Variants in PLEKHA5 observed in about 807,000 individuals in gnomAD.
The protein encoded by PLEKHA5 is pleckstrin homology domain containing A5, also known as pleckstrin homology domain-containing family A member 5.
In PLEKHA5, 55 loss-of-function variants were observed where a neutral mutation model predicts 181.9. That is an observed-to-expected ratio of 0.30 (90% CI 0.24 to 0.38). PLEKHA5 has a LOEUF of 0.38. Ranked by LOEUF, PLEKHA5 falls within the 10% of genes least tolerant of loss-of-function variation. The pLI is 1.00. For synonymous variants in PLEKHA5, 535 were observed against 529.4 expected, an observed-to-expected ratio of 1.01 and a Z score of -0.15; for missense variants, 1,432 against 1,549.5, an observed-to-expected ratio of 0.92 and a Z score of 1.27.
chr12:19,304,654 A>G (rs1362894348), intron 15 of PLEKHA5, among the ~76,000 whole-genome samples: 1 of 152,170 alleles, frequency 6.6e-6, no homozygotes, highest in African/African-American at 2.4e-5. Flanking sequence ...ACAAAGTACA[A>G]TACTCAAGGC....
intron 3 of PLEKHA5, among the ~76,000 whole-genome samples, chr12:19,197,895 T>C (rs917199520): frequency 6.6e-6 from 1 of 152,072 alleles, no homozygotes; most frequent in African/African-American, 2.4e-5. Context: ...GCAGCCATTC[T>C]CAATTTTTCT....
intron 26 of PLEKHA5, among the ~76,000 whole-genome samples, chr12:19,356,155 A>G (rs1371221222): frequency 6.6e-6 from 1 of 151,254 alleles, no homozygotes; most frequent in Non-Finnish European, 1.5e-5. Flanking sequence ...ACAGAGTGAG[A>G]CTCTGTCTCA....
intron 3 of PLEKHA5, chr12:19,200,445 C>T: frequency 6.8e-7 from 1 of 1,476,130 alleles, no homozygotes; most frequent in Non-Finnish European, 8.9e-7. Flanking sequence ...GACAAAACAG[C>T]ATATTCTAAA....
At chr12:19,267,650 A>G (rs1349484398) in intron 8 of PLEKHA5, among the ~76,000 whole-genome samples, 3 of 134,848 alleles carry the variant, frequency 2.2e-5, no homozygotes, top group Non-Finnish European at 4.6e-5. Flanking sequence ...ACAGAGTAAG[A>G]CTCCCTCCCT....
intron 3 of PLEKHA5, among the ~76,000 whole-genome samples, chr12:19,162,611 G>T (rs967328070): frequency 6.6e-6 from 1 of 150,528 alleles, no homozygotes; most frequent in Non-Finnish European, 1.5e-5. Flanking sequence ...AGAGCCTGTT[G>T]TCTGCTACAG....
At chr12:19,323,876 A>G (rs2091505129) in intron 20 of PLEKHA5, among the ~76,000 whole-genome samples, 1 of 152,090 alleles carries the variant, frequency 6.6e-6, no homozygotes, top group Non-Finnish European at 1.5e-5. Flanking sequence ...ATAGTCATAT[A>G]ACTATGACTG....
At chr12:19,263,168 C>CTA (rs1207276339) in intron 7 of PLEKHA5, among the ~76,000 whole-genome samples, 2 of 147,614 alleles carry the variant, frequency 1.4e-5, no homozygotes, top group Non-Finnish European at 3.0e-5. Flanking sequence ...TCATAATAGC[C>CTA]TATATATTTT....
intron 3 of PLEKHA5, among the ~76,000 whole-genome samples, chr12:19,134,095 T>C (rs1211661659): frequency 6.6e-6 from 1 of 152,076 alleles, no homozygotes; most frequent in Non-Finnish European, 1.5e-5. Flanking sequence ...TGGATGAATG[T>C]TTATTTGATA....
intron 3 of PLEKHA5, among the ~76,000 whole-genome samples, chr12:19,251,094 A>G (rs2065149920): frequency 6.6e-6 from 1 of 152,064 alleles, no homozygotes; most frequent in Admixed American, 6.5e-5. Flanking sequence ...GCTGGGAGGA[A>G]GGTTATCTGA....
Position 19,169,410 on chromosome 12 carries a change from G to A in PLEKHA5, c.227+36960G>A, listed in dbSNP as rs565905762. On this transcript the variant is annotated intron_variant, in intron 3 of 31. Transcript: ENST00000429027. Reference sequence around the variant, plus strand: ...CTGGCAGAGCCTCCAGCATCTTCTGGTCTTCACTTATAGGGCAGTGCTAAG... The same window carrying A: ...CTGGCAGAGCCTCCAGCATCTTCTGATCTTCACTTATAGGGCAGTGCTAAG... Among the ~76,000 whole-genome samples, 44 of 152,252 alleles carry A rather than the reference G, an allele frequency of 2.9e-4. No individual in the cohort carries two copies. The South Asian group carries it at 8.9e-3, about 31-fold the overall frequency.
rs374091121 is a variant in PLEKHA5 at position 19,302,312 on chromosome 12, T to C, written c.2037+10615T>C. On this transcript the variant is annotated intron_variant, in intron 15 of 31. Transcript: ENST00000429027. ...CCCACACTGTTCAAGAAAAAGGAAC[T>C]ATTGGCACAGAATTCAGACTCAAGT... Among the ~76,000 whole-genome samples, 32 of 152,218 alleles carry C rather than the reference T, an allele frequency of 2.1e-4. 1 individual carries two copies. The highest frequency in any genetic ancestry group is 1.3e-3 in the East Asian group (7 of 5,196).
At chr12:19,284,926 C>T (rs1012440851) in intron 12 of PLEKHA5, among the ~76,000 whole-genome samples, 5 of 152,148 alleles carry the variant, frequency 3.3e-5, no homozygotes, top group African/African-American at 9.6e-5. Flanking sequence ...GAGCAGGACT[C>T]TGACTCAAAA....
At chr12:19,316,482 T>A (rs2088804905) in intron 16 of PLEKHA5, among the ~76,000 whole-genome samples, 1 of 152,162 alleles carries the variant, frequency 6.6e-6, no homozygotes. Context: ...ATCACTGACC[T>A]TGAATACCGA....
chr12:19,178,900 G>C (rs1190799355), intron 3 of PLEKHA5, among the ~76,000 whole-genome samples: 2 of 152,134 alleles, frequency 1.3e-5, no homozygotes, highest in Non-Finnish European at 2.9e-5. Flanking sequence ...GAGTGCTGTT[G>C]GATATATCAG....
chr12:19,220,414 T>G (rs896936953), intron 3 of PLEKHA5, among the ~76,000 whole-genome samples: 3 of 152,124 alleles, frequency 2.0e-5, no homozygotes, highest in Non-Finnish European at 4.4e-5. Flanking sequence ...GACAGAGGTA[T>G]GAAAATGAAA....
At chr12:19,170,148 A>G (rs1335851741) in intron 3 of PLEKHA5, among the ~76,000 whole-genome samples, 3 of 152,282 alleles carry the variant, frequency 2.0e-5, no homozygotes, top group Non-Finnish European at 2.9e-5. Context: ...TCAGGTAGAA[A>G]CCCCAATCCC....
At chr12:19,158,038 T>C (rs1213859902) in intron 3 of PLEKHA5, among the ~76,000 whole-genome samples, 1 of 152,124 alleles carries the variant, frequency 6.6e-6, no homozygotes, top group Non-Finnish European at 1.5e-5. Flanking sequence ...AAGTTTATAA[T>C]CAAGTTTTAA....
chr12:19,176,517 T>C (rs1462460539), intron 3 of PLEKHA5: 1 of 152,036 alleles, frequency 6.6e-6, no homozygotes, highest in African/African-American at 2.4e-5. Context: ...GCCCGGAACT[T>C]TTGGACTCAA....
intron 3 of PLEKHA5, among the ~76,000 whole-genome samples, chr12:19,230,613 T>C (rs1375235968): frequency 6.6e-6 from 1 of 152,146 alleles, no homozygotes; most frequent in African/African-American, 2.4e-5. Context: ...GCTAAGCCCC[T>C]CACTGCCTGG....
Sources: gnomAD v4.1 joint callset for allele counts (sites outside exome capture counted in the v4.1 genomes callset) on GRCh38, gnomAD v4.1.1 for gene constraint, MANE v1.5 for transcripts, NCBI Gene and HGNC (gene_info 2026-07-23, HGNC 2026-07-21) for gene names.